FLT1: variants seen among roughly 807,000 people sequenced by gnomAD.
The protein encoded by FLT1 is vascular endothelial growth factor receptor 1.
FLT1 carries 49 observed loss-of-function variants against 156.3 expected under a neutral mutation model. The observed-to-expected ratio is 0.31, with a 90% confidence interval of 0.25 to 0.40. FLT1 has a LOEUF of 0.40. Among genes scored for constraint, FLT1 ranks in the 10% least tolerant of loss-of-function variants. FLT1 has a pLI of 1.00. For missense variants in FLT1, 1,322 were observed against 1,637.2 expected (o/e 0.81, Z 3.32); for synonymous variants, 594 against 583.8 (o/e 1.02, Z -0.25).
Position 28,439,004 on chromosome 13 carries a change from C to G in FLT1, c.389-659G>C, listed in dbSNP as rs568595485. ...TTATTTCTTTAGTATGCGCTACTTA[C>G]CTGCTAATAGCAAAGTCTGTGCAAG... On this transcript the variant is annotated intron_variant, in intron 3 of 29. Transcript: ENST00000282397. This position sits in a 1 kb window ranked among gnomAD's most constrained non-coding sequence, Gnocchi z 4.1. Among the ~76,000 whole-genome samples the G allele has an allele frequency of 6.6e-6, 1 of 152,312 alleles. No homozygotes were observed. Among genetic ancestry groups the G allele is most frequent in the South Asian group, 2.1e-4 (1 of 4,826 alleles).
chr13:28,320,233 A>G (rs1871387851), intron 23 of FLT1, among the ~76,000 whole-genome samples: 1 of 152,186 alleles, frequency 6.6e-6, no homozygotes, highest in Non-Finnish European at 1.5e-5. Context: ...ACGAACAGAA[A>G]GGAGGGGAGG....
intron 3 of FLT1, among the ~76,000 whole-genome samples, chr13:28,455,274 CAG>C (rs922214344): frequency 6.6e-6 from 1 of 152,156 alleles, no homozygotes; most frequent in African/African-American, 2.4e-5. Context: ...GTAATCAAGA[CAG>C]TGTGATATTG....
intron 10 of FLT1, among the ~76,000 whole-genome samples, chr13:28,406,277 C>G (rs1399026955): frequency 2.0e-5 from 3 of 152,128 alleles, no homozygotes; most frequent in Non-Finnish European, 4.4e-5. Context: ...CATTTTATAT[C>G]TATAAAAGGC....
intron 13 of FLT1, chr13:28,387,037 T>C: frequency 9.6e-7 from 1 of 1,037,672 alleles, no homozygotes; most frequent in Non-Finnish European, 1.2e-6. Context: ...CAGACACGAT[T>C]TGGACTCCCT....
chr13:28,354,802 A>G lies in FLT1; in HGVS notation c.2248+2752T>C, dbSNP rs1872843005. ...GGGCAATAATGAACAAAATAATGGA[A>G]TATATAAATATATATTCCATTATAT... On this transcript the variant is annotated intron_variant, in intron 15 of 29. Coordinates refer to ENST00000282397, the MANE Select transcript of FLT1 (RefSeq NM_002019.4). 3.3e-5 allele frequency among the ~76,000 whole-genome samples: 5 copies of G among 152,078 alleles called. No homozygotes were observed. The South Asian group carries it at 1.0e-3, about 31-fold the overall frequency.
chr13:28,363,409 A>G (rs1048472126), intron 14 of FLT1, among the ~76,000 whole-genome samples: 2 of 152,154 alleles, frequency 1.3e-5, no homozygotes, highest in Non-Finnish European at 2.9e-5. Flanking sequence ...CTCTCTCTCC[A>G]GAGGTACCTG....
intron 25 of FLT1, among the ~76,000 whole-genome samples, chr13:28,313,648 G>C (rs868652399): frequency 6.6e-5 from 10 of 152,148 alleles, no homozygotes; most frequent in South Asian, 4.1e-4. Flanking sequence ...TGGTCTCCGG[G>C]AAGAGATAAC....
chr13:28,416,676 A>G (rs892211419), intron 10 of FLT1, among the ~76,000 whole-genome samples: 1 of 152,260 alleles, frequency 6.6e-6, no homozygotes. Flanking sequence ...TAACTTAGCT[A>G]TAAAGAAAAT....
chr13:28,302,986 T>G lies in FLT1; in HGVS notation c.*181A>C, dbSNP rs1870573001. 5.0e-6 allele frequency: 3 copies of G among 603,844 alleles called. No homozygotes were observed. The highest frequency in any genetic ancestry group is 8.8e-6 in the Non-Finnish European group (3 of 342,702). The allele number at this position is 603,844 out of a possible 1,614,324, so 37.4% of individuals were successfully genotyped here. A position where few individuals can be genotyped will look rare whatever the true frequency, so the allele number is the denominator to read the frequency against. On this transcript the variant is annotated 3_prime_UTR_variant, in exon 30 of 30. Transcript: ENST00000282397. Reference sequence around the variant, plus strand: ...TTCTTCACTTGTCACTATTTCTCTATCTGGAGTTACATTCTTGTTAGTCAA... The same window carrying G: ...TTCTTCACTTGTCACTATTTCTCTAGCTGGAGTTACATTCTTGTTAGTCAA...
chr13:28,318,423 TGGG>T (rs1170813781), intron 24 of FLT1, among the ~76,000 whole-genome samples: 1 of 151,902 alleles, frequency 6.6e-6, no homozygotes, highest in Non-Finnish European at 1.5e-5. Flanking sequence ...CCTTTCCTTT[TGGG>T]GGGATTCTTG....
intron 14 of FLT1, among the ~76,000 whole-genome samples, chr13:28,376,136 T>G (rs960562762): frequency 4.6e-5 from 7 of 152,198 alleles, no homozygotes; most frequent in African/African-American, 1.7e-4. Flanking sequence ...TCTGTCCTCT[T>G]AGGTACTAGG....
chr13:28,322,798 T>G lies in FLT1; in HGVS notation c.2945A>C (p.Glu982Ala), dbSNP rs35832528. The change falls in exon 21 of 30, where the codon GAA (glutamate) becomes GCA (alanine). Residue 982 changes from glutamate to alanine, a missense_variant. Physicochemically the swap from Glu to Ala is moderately radical, Grantham distance 107. Around this residue, in one of 3 missense-constraint regions of FLT1, gnomAD observed 991 missense variants for 1,254.8 expected, o/e 0.79. Coordinates refer to ENST00000282397, the MANE Select transcript of FLT1 (RefSeq NM_002019.4). The surrounding 1 kb of genome is among the most constrained non-coding windows in gnomAD (Gnocchi z 4.3). ...AAGGAATTAATACCTACCCTCCTCTTCCTCAACATCACTCAGACTTTTATC... is the reference window on the plus strand; with the variant it reads ...AAGGAATTAATACCTACCCTCCTCTGCCTCAACATCACTCAGACTTTTATC... Reference protein sequence around the residue: ...QEDKSLSDVEEEEDSDGFYKE... With the variant: ...QEDKSLSDVEAEEDSDGFYKE... The G allele has an allele frequency of 2.1e-3, 3,410 of 1,613,926 alleles. 31 individuals carry two copies. The highest frequency in any genetic ancestry group is 1.4e-3 in the Non-Finnish European group (1,685 of 1,179,980).
Position 28,427,862 on chromosome 13 carries a change from G to A in FLT1, c.1166C>T (p.Ser389Leu), listed in dbSNP as rs1004788109. 6 of 1,613,808 alleles carry A rather than the reference G, an allele frequency of 3.7e-6. No homozygotes were observed. Among genetic ancestry groups the A allele is most frequent in the East Asian group, 4.5e-5 (2 of 44,868 alleles). ...KSARYLTRGY[S>L]LIIKDVTEED... Reference sequence around the variant, plus strand: ...TTCAGTTACGTCCTTGATAATTAACGAGTAGCCACGAGTCAAATAGCGAGC... The same window carrying A: ...TTCAGTTACGTCCTTGATAATTAACAAGTAGCCACGAGTCAAATAGCGAGC... Residue 389 changes from serine (S) to leucine (L), a missense_variant, in exon 9 of 30, where the codon TCG (serine) becomes TTG (leucine). Around this residue, in one of 3 missense-constraint regions of FLT1, gnomAD observed 991 missense variants for 1,254.8 expected, o/e 0.79. Coordinates refer to ENST00000282397, the MANE Select transcript of FLT1 (RefSeq NM_002019.4).
intron 10 of FLT1, among the ~76,000 whole-genome samples, chr13:28,420,555 A>C (rs1876940693): frequency 6.6e-6 from 1 of 152,236 alleles, no homozygotes. Context: ...AAGAGGTCTT[A>C]AATTATAGCT....
At chr13:28,406,544 A>AT (rs1251066680) in intron 10 of FLT1, among the ~76,000 whole-genome samples, 5 of 152,184 alleles carry the variant, frequency 3.3e-5, no homozygotes, top group Admixed American at 2.0e-4. Flanking sequence ...CTGGACTAGA[A>AT]TTTTTTTGAG....
intron 13 of FLT1, chr13:28,387,540 C>T: frequency 9.4e-7 from 1 of 1,062,598 alleles, no homozygotes; most frequent in Non-Finnish European, 1.1e-6. Context: ...CCAAAGATAG[C>T]TGCCCACCAG....
intron 29 of FLT1, among the ~76,000 whole-genome samples, chr13:28,305,985 C>T (rs1001041947): frequency 2.0e-5 from 3 of 152,130 alleles, no homozygotes; most frequent in East Asian, 1.9e-4. Flanking sequence ...GTTCTGCCTT[C>T]GGGTGAGACA....
chr13:28,435,102 C>T (rs8001142), intron 4 of FLT1, among the ~76,000 whole-genome samples: 44 of 152,266 alleles, frequency 2.9e-4, no homozygotes, highest in African/African-American at 1.0e-3. Flanking sequence ...GTCATTCTGA[C>T]GATCCTGCTG....
intron 10 of FLT1, among the ~76,000 whole-genome samples, chr13:28,412,350 C>CTTTCTT (rs71086853): frequency 6.4e-5 from 6 of 93,706 alleles, no homozygotes; most frequent in African/African-American, 1.5e-4. Context: ...TTCTTTCTTT[C>CTTTCTT]TCTTTCTTTC....
Sources: allele counts gnomAD v4.1 joint callset (sites outside exome capture counted in the v4.1 genomes callset), GRCh38; gene constraint gnomAD v4.1.1; regional missense constraint gnomAD v4.1.1; non-coding constraint Gnocchi (gnomAD v3.1); transcripts MANE v1.5; gene names NCBI Gene and HGNC (gene_info 2026-07-23, HGNC 2026-07-21).